ZZEF1: variants seen among roughly 807,000 people sequenced by gnomAD.
ZZEF1 encodes zinc finger ZZ-type and EF-hand domain containing 1.
Under a neutral mutation model 342.8 loss-of-function variants are expected in ZZEF1, and 157 were observed. The ratio of observed to expected loss-of-function variants is 0.46; its 90% CI spans 0.40 to 0.52. The LOEUF (loss-of-function observed/expected upper bound fraction) is 0.52, where lower values mean the gene tolerates loss of function less well. ZZEF1 is among the 20% of genes least tolerant of loss of function. ZZEF1 has a pLI of 0.00. For missense variants in ZZEF1, 3,480 were observed against 3,725.6 expected (o/e 0.93, Z 1.72); for synonymous variants, 1,505 against 1,429.1 (o/e 1.05, Z -1.20).
At position 4,075,077 on chromosome 17, in the gene ZZEF1, T is replaced by C; in HGVS notation, c.3483+20A>G. 1.2e-6 allele frequency: 2 copies of C among 1,612,914 alleles called. No individual in the cohort carries two copies. The highest frequency in any genetic ancestry group is 2.2e-5 in the East Asian group (1 of 44,876). On this transcript the variant is annotated intron_variant, in intron 23 of 54. Transcript: ENST00000381638. ...GCATTGGTGCAGAAGTAGGTACCTCTTTCTGGGACTATCACTCACCTTGGG... is the reference window on the plus strand; with the variant it reads ...GCATTGGTGCAGAAGTAGGTACCTCCTTCTGGGACTATCACTCACCTTGGG...
chr17:4,109,901 C>T (rs2058269570), intron 5 of ZZEF1, 38 bp from the exon 6 acceptor site: 1 of 1,606,010 alleles, frequency 6.2e-7, no homozygotes, highest in South Asian at 1.1e-5. Context: ...ATTGGATTAA[C>T]TTCTTTAGGC....
chr17:4,019,854 C>A, intron 45 of ZZEF1, 85 bp from the exon 46 acceptor site: 1 of 996,130 alleles, frequency 1.0e-6, no homozygotes. Flanking sequence ...ACTGAGAAGA[C>A]AATATAGCAA....
Position 4,142,528 on chromosome 17 carries a change from C to T in ZZEF1, c.354+14G>A, listed in dbSNP as rs1229414589. On this transcript the variant is annotated intron_variant, in intron 1 of 54. Coordinates refer to ENST00000381638, the MANE Select transcript of ZZEF1 (RefSeq NM_015113.4). The stretch of plus-strand genomic sequence containing the variant: ...CGCCCTGCCCCATCCCCGCAGTCGC[C>T]TGCCGGCCCTGACCTCCTCGAACTG... 1 of 1,588,114 alleles carries T rather than the reference C, an allele frequency of 6.3e-7. No individual in the cohort carries two copies. The highest frequency in any genetic ancestry group is 8.5e-7 in the Non-Finnish European group (1 of 1,174,614).
chr17:4,056,819 CCTCAGT>C (rs1366259273), intron 32 of ZZEF1: 16 of 152,234 alleles, frequency 1.1e-4, no homozygotes, highest in African/African-American at 3.6e-4. Flanking sequence ...CAGCCCTGGT[CCTCAGT>C]CTCCCCATTT....
chr17:4,056,426 T>C (rs1399581652), intron 32 of ZZEF1, 81 bp from the exon 33 acceptor site: 8 of 1,399,020 alleles, frequency 5.7e-6, no homozygotes, highest in Middle Eastern at 1.9e-4. Context: ...CCTGTGTCTA[T>C]AGGTCTATTA....
intron 33 of ZZEF1, among the ~76,000 whole-genome samples, chr17:4,055,862 G>A (rs1429850922): frequency 1.3e-5 from 2 of 152,152 alleles, no homozygotes; most frequent in African/African-American, 4.8e-5. Flanking sequence ...CACAGGACTG[G>A]GTGGGGGATG....
chr17:4,045,859 G>C (rs550510579), intron 37 of ZZEF1, among the ~76,000 whole-genome samples: 1 of 146,386 alleles, frequency 6.8e-6, no homozygotes, highest in African/African-American at 2.5e-5. Context: ...ATGGAGTCTC[G>C]CTCTGTTACC....
chr17:4,052,494 T>C (rs1316979975), intron 34 of ZZEF1, among the ~76,000 whole-genome samples: 1 of 152,154 alleles, frequency 6.6e-6, no homozygotes, highest in Admixed American at 6.6e-5. Context: ...TGAGGACTGA[T>C]CAGGATATTT....
chr17:4,051,146 A>T (rs1460051075), intron 35 of ZZEF1, 103 bp from the exon 36 acceptor site: 1 of 1,481,002 alleles, frequency 6.8e-7, no homozygotes, highest in African/African-American at 1.4e-5. Flanking sequence ...GCAACTGGGC[A>T]TTAGTCACCT....
intron 1 of ZZEF1, among the ~76,000 whole-genome samples, chr17:4,130,836 G>T (rs1205762193): frequency 6.6e-6 from 1 of 152,156 alleles, no homozygotes; most frequent in Non-Finnish European, 1.5e-5. Flanking sequence ...GGATAAAAGT[G>T]CATCACAGTG....
At chr17:4,063,676 C>T (rs992896142) in intron 29 of ZZEF1, among the ~76,000 whole-genome samples, 10 of 151,932 alleles carry the variant, frequency 6.6e-5, no homozygotes, top group Admixed American at 6.6e-4. Flanking sequence ...ATCCTCCTGC[C>T]TCAGGCTCCC....
chr17:4,125,414 T>C (rs62071043), intron 1 of ZZEF1, among the ~76,000 whole-genome samples: 23,532 of 152,204 alleles, frequency 0.15, 2,005 homozygotes, highest in African/African-American at 0.22. Context: ...CATAGACCTC[T>C]GAACAATGCA....
rs529253417 is a variant in ZZEF1 at position 4,109,868 on chromosome 17, C to T, written c.1067-5G>A. 1.3e-5 allele frequency: 21 copies of T among 1,613,806 alleles called. No homozygotes were observed. The Admixed American group carries it at 2.3e-4, about 18-fold the overall frequency. Reference sequence around the variant, plus strand: ...GCTTTATGTTAATCTGGACATCTGTCGAGCACAAACAAAAAATTCAGTATT... The same window carrying T: ...GCTTTATGTTAATCTGGACATCTGTTGAGCACAAACAAAAAATTCAGTATT... On this transcript the variant is annotated splice_region_variant and splice_polypyrimidine_tract_variant and intron_variant, in intron 5 of 54. Coordinates refer to ENST00000381638, the MANE Select transcript of ZZEF1 (RefSeq NM_015113.4).
intron 3 of ZZEF1, among the ~76,000 whole-genome samples, chr17:4,115,787 C>A (rs141058384): frequency 2.4e-4 from 37 of 152,214 alleles, no homozygotes; most frequent in Admixed American, 2.3e-3. Context: ...TATTTTTGTA[C>A]CCACAATGTC....
intron 11 of ZZEF1, among the ~76,000 whole-genome samples, chr17:4,092,928 A>C (rs1350171141): frequency 6.6e-6 from 1 of 151,804 alleles, no homozygotes; most frequent in Non-Finnish European, 1.5e-5. Context: ...GAGCATGCTG[A>C]CTGACGAACG....
chr17:4,081,349 GAAAAC>G, intron 18 of ZZEF1, 22 bp downstream of exon 18: 1 of 1,599,298 alleles, frequency 6.3e-7, no homozygotes. Context: ...ATGAGACAAA[GAAAAC>G]AGGGAGGCAG....
intron 45 of ZZEF1, among the ~76,000 whole-genome samples, chr17:4,020,374 G>A (rs2056237682): frequency 6.6e-6 from 1 of 152,226 alleles, no homozygotes; most frequent in Non-Finnish European, 1.5e-5. Flanking sequence ...ATACAGAATT[G>A]CATGTATGCT....
Position 4,095,848 on chromosome 17 carries a change from C to T in ZZEF1, c.1896G>A (p.Arg632=), listed in dbSNP as rs200437704. ...CTTCTTACCTGCTTTTTACAAATTG[C>T]CTGAGCTCCTGAAGCTTCCATTTGT... ...KYDKWKLQEL[R]QFVKSRIGCS... The change falls in exon 11 of 55, where the codon AGG becomes AGA. Residue 632 remains arginine, a synonymous_variant. Transcript: ENST00000381638. 278 of 1,608,240 alleles carry T rather than the reference C, an allele frequency of 1.7e-4. No individual in the cohort carries two copies. Among genetic ancestry groups the T allele is most frequent in the Non-Finnish European group, 2.3e-4 (269 of 1,177,366 alleles).
Position 4,070,860 on chromosome 17 carries a change from G to A in ZZEF1, c.3899C>T (p.Ala1300Val), listed in dbSNP as rs769499923. ...TGAATATGGCCCACAGAAGTTCTGA[G>A]CAGGCTCTGACTGGGCAAAATCAAG... Reference protein sequence around the residue: ...FLLDFAQSEPAQNFCGPYSEL... With the variant: ...FLLDFAQSEPVQNFCGPYSEL... The change falls in exon 26 of 55, where the codon GCT becomes GTT. Residue 1300 changes from alanine (A) to valine (V), a missense_variant. Physicochemically the swap from Ala to Val is moderately conservative, Grantham distance 64. Coordinates refer to ENST00000381638, the MANE Select transcript of ZZEF1 (RefSeq NM_015113.4). 1.2e-6 allele frequency: 2 copies of A among 1,614,166 alleles called. No homozygotes were observed. The highest frequency in any genetic ancestry group is 1.7e-6 in the Non-Finnish European group (2 of 1,180,038).
Sources: gnomAD v4.1 joint callset for allele counts (sites outside exome capture counted in the v4.1 genomes callset) on GRCh38, gnomAD v4.1.1 for gene constraint, MANE v1.5 for transcripts, NCBI Gene and HGNC (gene_info 2026-07-23, HGNC 2026-07-21) for gene names.